The following BLOC1S6 variants were observed in gnomAD, a reference collection of about 807,000 sequenced individuals.
BLOC1S6 encodes the protein biogenesis of lysosome-related organelles complex 1 subunit 6.
BLOC1S6 carries 24 observed loss-of-function variants against 24.7 expected under a neutral mutation model. That is an observed-to-expected ratio of 0.97 (90% CI 0.70 to 1.37). The LOEUF (loss-of-function observed/expected upper bound fraction) is 1.37, where lower values mean the gene tolerates loss of function less well. Ranked by LOEUF, BLOC1S6 falls within the 40% of genes most tolerant of loss-of-function variation. BLOC1S6 has a pLI of 0.00. For missense variants in BLOC1S6, 175 were observed against 196.2 expected, an observed-to-expected ratio of 0.89 and a Z score of 0.64; for synonymous variants, 76 against 72.6, an observed-to-expected ratio of 1.05 and a Z score of -0.23.
At position 45,607,369 on chromosome 15, in the gene BLOC1S6, G is replaced by T. The variant is rs1250845224; in HGVS notation, c.*855G>T. ...ATTATATATATTCCTAAAGCTTGGT[G>T]GAGGTAGTGGAGCTATCACACACTC... On this transcript the variant is annotated 3_prime_UTR_variant, in exon 5 of 5. Transcript: ENST00000220531. The T allele has an allele frequency of 1.3e-5, 2 of 152,174 alleles. No homozygotes were observed. The highest frequency in any genetic ancestry group is 1.5e-5 in the Non-Finnish European group (1 of 68,042). 9.4% of individuals were successfully genotyped at this position (152,174 alleles called of 1,614,324 possible).
chr15:45,596,952 G>A (rs180689729), intron 2 of BLOC1S6, among the ~76,000 whole-genome samples: 2 of 152,312 alleles, frequency 1.3e-5, no homozygotes, highest in African/African-American at 4.8e-5. Flanking sequence ...TGGGATTACA[G>A]GAGTGAGTCA....
intron 2 of BLOC1S6, among the ~76,000 whole-genome samples, chr15:45,592,517 G>C (rs1477506848): frequency 6.6e-6 from 1 of 152,172 alleles, no homozygotes; most frequent in East Asian, 1.9e-4. Context: ...ATCTTACCTA[G>C]AATCTGTGAT....
intron 2 of BLOC1S6, chr15:45,602,318 G>A: frequency 1.5e-6 from 1 of 663,832 alleles, no homozygotes; most frequent in Non-Finnish European, 2.7e-6. Flanking sequence ...TCTCTAGATA[G>A]CACAGTTTTA....
intron 2 of BLOC1S6, chr15:45,598,285 C>T (rs1197362429): frequency 1.8e-4 from 25 of 141,904 alleles, no homozygotes; most frequent in African/African-American, 6.6e-4. Context: ...GACAGGGATG[C>T]CCTCTCTCAC....
At chr15:45,598,279 G>A (rs1894150196) in intron 2 of BLOC1S6, 1 of 143,572 alleles carries the variant, frequency 7.0e-6, no homozygotes, top group African/African-American at 2.6e-5. Context: ...GCACAAGACA[G>A]GGATGCCCTC....
chr15:45,598,412 A>G (rs1484577240), intron 2 of BLOC1S6: 1 of 79,530 alleles, frequency 1.3e-5, no homozygotes, highest in Non-Finnish European at 2.5e-5. Context: ...TGCAGACGAC[A>G]TGATTGTTTA....
intron 4 of BLOC1S6, chr15:45,605,912 T>C: frequency 3.8e-6 from 1 of 259,830 alleles, no homozygotes; most frequent in South Asian, 4.6e-5. Context: ...TTGACTTTTA[T>C]ACCCTCATAT....
intron 2 of BLOC1S6, among the ~76,000 whole-genome samples, chr15:45,595,158 AGAGT>A (rs1429128153): frequency 3.3e-5 from 5 of 152,198 alleles, no homozygotes; most frequent in Non-Finnish European, 4.4e-5. Flanking sequence ...CCTGGGTGAC[AGAGT>A]GAGACCCTAT....
rs756881115 is a variant in BLOC1S6, at chr15:45,607,107, A to C, written c.*593A>C. On this transcript the variant is annotated 3_prime_UTR_variant, in exon 5 of 5. Transcript: ENST00000220531. The stretch of plus-strand genomic sequence containing the variant: ...TAACAAAAATAAGGAACTTGTTGCT[A>C]CCTTTCTTTTCTGTTGAACATTAAA... 3.3e-5 allele frequency: 5 copies of C among 152,546 alleles called. No homozygotes were observed. Among genetic ancestry groups the C allele is most frequent in the Admixed American group, 1.3e-4 (2 of 15,310 alleles). The allele number at this position is 152,546 out of a possible 1,614,324, so 9.4% of individuals were successfully genotyped here.
chr15:45,588,237 T>G (rs1341960810), intron 1 of BLOC1S6, among the ~76,000 whole-genome samples: 5 of 152,238 alleles, frequency 3.3e-5, no homozygotes, highest in Non-Finnish European at 7.3e-5. Context: ...CACTTTCCTG[T>G]TCATGCTTTT....
At chr15:45,594,350 G>A (rs62025220) in intron 2 of BLOC1S6, among the ~76,000 whole-genome samples, 2,209 of 151,914 alleles carry the variant, frequency 0.015, 28 homozygotes, top group Middle Eastern at 0.02. Flanking sequence ...CAAGGTTCTG[G>A]GATCCAGGCC....
At chr15:45,595,941 G>T (rs964438043) in intron 2 of BLOC1S6, among the ~76,000 whole-genome samples, 7 of 152,058 alleles carry the variant, frequency 4.6e-5, no homozygotes, top group Non-Finnish European at 8.8e-5. Context: ...CTGAGTAGCT[G>T]GGATTACAGG....
At position 45,587,674 on chromosome 15, in the gene BLOC1S6, C is replaced by T. The variant is rs531015539; in HGVS notation, c.82+149C>T. 4.1e-4 allele frequency: 327 copies of T among 793,418 alleles called. 2 individuals are homozygous for T. Among genetic ancestry groups the T allele is most frequent in the African/African-American group, 3.7e-3 (216 of 58,692 alleles). 49.1% of individuals were successfully genotyped at this position (793,418 alleles called of 1,614,324 possible). ...CTGCCCCGAGTGCAGAAATGGGGAACCGCGCCGGCCCCTCTGCCCAGCGCA... is the reference window on the plus strand; with the variant it reads ...CTGCCCCGAGTGCAGAAATGGGGAATCGCGCCGGCCCCTCTGCCCAGCGCA... On this transcript the variant is annotated intron_variant, in intron 1 of 4. Coordinates refer to ENST00000220531, the MANE Select transcript of BLOC1S6 (RefSeq NM_012388.4).
chr15:45,597,843 A>G (rs73420438), intron 2 of BLOC1S6: 16,222 of 349,876 alleles, frequency 0.046, 2,601 homozygotes, highest in African/African-American at 0.33. Flanking sequence ...CTCAATTTGT[A>G]TACCTTTTAT....
At chr15:45,600,779 T>A (rs1894244824) in intron 2 of BLOC1S6, among the ~76,000 whole-genome samples, 1 of 152,204 alleles carries the variant, frequency 6.6e-6, no homozygotes, top group Non-Finnish European at 1.5e-5. Context: ...TCTTGTAATA[T>A]CTTTATCTGG....
chr15:45,587,157 C>G (rs1893700125), upstream of BLOC1S6: 2 of 509,284 alleles, frequency 3.9e-6, no homozygotes, highest in Non-Finnish European at 7.2e-6. Context: ...CGACCACCGT[C>G]CTCCCCCAGC....
At chr15:45,601,065 C>G (rs928604909) in intron 2 of BLOC1S6, among the ~76,000 whole-genome samples, 1 of 152,114 alleles carries the variant, frequency 6.6e-6, no homozygotes, top group Non-Finnish European at 1.5e-5. Flanking sequence ...TTTTCCTATA[C>G]TTACATACCT....
At chr15:45,587,378 T>C (rs1157265727), upstream of BLOC1S6, 2 of 1,438,942 alleles carry the variant, frequency 1.4e-6, no homozygotes, top group African/African-American at 2.8e-5. Context: ...CTGGAGTCGT[T>C]AGGTGCCGCC....
At chr15:45,605,221 T>A (rs1192057109) in intron 3 of BLOC1S6, among the ~76,000 whole-genome samples, 4 of 152,252 alleles carry the variant, frequency 2.6e-5, no homozygotes, top group African/African-American at 4.8e-5. Context: ...GTAACACTTT[T>A]GTCAATCTGA....
Sources: gnomAD v4.1 joint callset for allele counts (sites outside exome capture counted in the v4.1 genomes callset) on GRCh38, gnomAD v4.1.1 for gene constraint, MANE v1.5 for transcripts, NCBI Gene and HGNC (gene_info 2026-07-23, HGNC 2026-07-21) for gene names.